The following USH2A variants were observed in gnomAD, a reference collection of about 807,000 sequenced individuals.
The protein encoded by USH2A is Usher syndrome 2A (autosomal recessive, mild).
A neutral mutation model predicts 538.9 loss-of-function variants in USH2A; 443 were observed. The observed-to-expected ratio is 0.82, with a 90% confidence interval of 0.76 to 0.89. The LOEUF (loss-of-function observed/expected upper bound fraction) is 0.89. Among genes scored for constraint, USH2A ranks in the 40% least tolerant of loss-of-function variants. The pLI is 0.00. For missense variants in USH2A, 6,633 were observed against 6,324.8 expected, an observed-to-expected ratio of 1.05 and a Z score of -1.65; for synonymous variants, 2,413 against 2,273.5, an observed-to-expected ratio of 1.06 and a Z score of -1.75.
At chr1:216,289,035 G>A (rs537311707) in intron 11 of USH2A, among the ~76,000 whole-genome samples, 1 of 152,058 alleles carries the variant, frequency 6.6e-6, no homozygotes, top group African/African-American at 2.4e-5. Flanking sequence ...CCTACCCTTC[G>A]ATTTTTTGAC....
At chr1:215,839,368 G>A (rs1162292221) in intron 46 of USH2A, among the ~76,000 whole-genome samples, 5 of 152,078 alleles carry the variant, frequency 3.3e-5, no homozygotes, top group Non-Finnish European at 5.9e-5. Flanking sequence ...ATGGATATAT[G>A]CACAAATAAT....
Position 215,743,341 on chromosome 1 carries a change from AAGAG to A in USH2A, c.11390-10_11390-7del, listed in dbSNP as rs140003076. 507 of 1,451,738 alleles carry A rather than the reference AAGAG, an allele frequency of 3.5e-4. 2 individuals carry two copies. The highest frequency in any genetic ancestry group is 8.9e-4 in the South Asian group (71 of 79,920). 89.9% of individuals were successfully genotyped at this position (1,451,738 alleles called of 1,614,324 possible). On this transcript the variant is annotated splice_polypyrimidine_tract_variant and splice_region_variant and intron_variant, in intron 58 of 71. Transcript: ENST00000307340. Reference sequence around the variant, plus strand: ...AATTTCGGGGATGAGGATCCCTTTAAAGAGAGAGAGAGAGAGAGAACATTAAAAA... The same window carrying A: ...AATTTCGGGGATGAGGATCCCTTTAAAGAGAGAGAGAGAGAACATTAAAAA...
chr1:216,182,685 C>A (rs761771359), intron 20 of USH2A, among the ~76,000 whole-genome samples: 3 of 152,036 alleles, frequency 2.0e-5, no homozygotes, highest in Non-Finnish European at 2.9e-5. Context: ...GTTGTGTATA[C>A]AAACAGTAAT....
At chr1:216,316,830 G>C (rs1160486362) in intron 9 of USH2A, among the ~76,000 whole-genome samples, 1 of 151,824 alleles carries the variant, frequency 6.6e-6, no homozygotes, top group Non-Finnish European at 1.5e-5. Flanking sequence ...TTAAAAATTG[G>C]GCAATGAACA....
chr1:216,403,712 C>T (rs1431073452), intron 3 of USH2A, among the ~76,000 whole-genome samples: 3 of 152,116 alleles, frequency 2.0e-5, no homozygotes, highest in Non-Finnish European at 4.4e-5. Context: ...GTAAGCTCAA[C>T]AAAACAGGTG....
intron 64 of USH2A, 45 bp from the exon 65 acceptor site, chr1:215,650,846 A>C (rs1657051275): frequency 6.7e-7 from 1 of 1,492,348 alleles, no homozygotes; most frequent in Admixed American, 1.9e-5. Context: ...AGATACCCTA[A>C]GGCTGGGAAA....
chr1:215,967,871 A>AT (rs1411814881), intron 36 of USH2A, among the ~76,000 whole-genome samples: 2 of 152,162 alleles, frequency 1.3e-5, no homozygotes, highest in Non-Finnish European at 2.9e-5. Flanking sequence ...TCACATAGCA[A>AT]TGACCTATAG....
At chr1:215,993,321 A>T (rs1246204215) in intron 34 of USH2A, among the ~76,000 whole-genome samples, 154 bp from the exon 35 acceptor site, 1 of 152,222 alleles carries the variant, frequency 6.6e-6, no homozygotes, top group Non-Finnish European at 1.5e-5. Context: ...TTAAGATTTA[A>T]CATTTATTTA....
chr1:215,731,327 G>A (rs1212108136), intron 60 of USH2A, among the ~76,000 whole-genome samples: 1 of 152,154 alleles, frequency 6.6e-6, no homozygotes, highest in Non-Finnish European at 1.5e-5. Flanking sequence ...TGTCCCATCT[G>A]CACTGCTAAA....
intron 21 of USH2A, among the ~76,000 whole-genome samples, chr1:216,103,903 A>G (rs756423828): frequency 1.2e-4 from 18 of 152,194 alleles, no homozygotes; most frequent in Non-Finnish European, 2.2e-4. Context: ...AAAACACCAA[A>G]ATCTGCTGAA....
chr1:215,944,642 T>C (rs547301729), intron 37 of USH2A, among the ~76,000 whole-genome samples: 2 of 152,238 alleles, frequency 1.3e-5, no homozygotes, highest in East Asian at 3.9e-4. Flanking sequence ...AGTTTGCCAG[T>C]GGAAATCCAA....
intron 3 of USH2A, among the ~76,000 whole-genome samples, chr1:216,403,461 A>G (rs1286600020): frequency 1.3e-5 from 2 of 152,184 alleles, no homozygotes; most frequent in Non-Finnish European, 2.9e-5. Context: ...TAAAAACTAC[A>G]TATTGGAAAG....
chr1:215,849,857 A>G (rs1663970534), intron 44 of USH2A, among the ~76,000 whole-genome samples: 1 of 152,220 alleles, frequency 6.6e-6, no homozygotes, highest in Admixed American at 6.5e-5. Context: ...ACACATTTAA[A>G]TGGTTACTTA....
chr1:215,966,910 CA>C (rs1171051262), intron 36 of USH2A, among the ~76,000 whole-genome samples: 2 of 152,106 alleles, frequency 1.3e-5, no homozygotes, highest in Non-Finnish European at 1.5e-5. Context: ...TGTTTTGTAA[CA>C]TTTCCTTAAA....
intron 12 of USH2A, among the ~76,000 whole-genome samples, chr1:216,248,661 C>T (rs2036099117): frequency 1.3e-5 from 2 of 152,004 alleles, no homozygotes; most frequent in South Asian, 4.1e-4. Flanking sequence ...AAAAGGACCA[C>T]TATTGCTGCA....
At chr1:216,416,925 T>C (rs1360660064) in intron 3 of USH2A, among the ~76,000 whole-genome samples, 1 of 152,160 alleles carries the variant, frequency 6.6e-6, no homozygotes, top group Non-Finnish European at 1.5e-5. Context: ...TTTCTACGTT[T>C]TTAATATTAA....
chr1:215,685,618 A>G (rs866180133), intron 61 of USH2A, among the ~76,000 whole-genome samples: 1 of 152,062 alleles, frequency 6.6e-6, no homozygotes, highest in Admixed American at 6.6e-5. Context: ...ATGGCCTCCC[A>G]AAGTGCTGGG....
chr1:215,816,934 T>C, intron 48 of USH2A, 63 bp downstream of exon 48: 1 of 1,527,010 alleles, frequency 6.5e-7, no homozygotes, highest in South Asian at 1.1e-5. Flanking sequence ...GAGAAGCTAA[T>C]AATTTCACTT....
At chr1:216,222,982 A>G (rs2035486321) in intron 14 of USH2A, among the ~76,000 whole-genome samples, 1 of 652 alleles carries the variant, frequency 1.5e-3, no homozygotes, top group Non-Finnish European at 4.2e-3. Flanking sequence ...CCATCTCAGA[A>G]AAAAAAAAAA....
Sources: gnomAD v4.1 joint callset for allele counts (sites outside exome capture counted in the v4.1 genomes callset) on GRCh38, gnomAD v4.1.1 for gene constraint, MANE v1.5 for transcripts, NCBI Gene and HGNC (gene_info 2026-07-23, HGNC 2026-07-21) for gene names.